The following MEIS1 variants were observed in gnomAD, a reference collection of about 807,000 sequenced individuals.
MEIS1 encodes the protein homeobox protein Meis1.
MEIS1 carries 5 observed loss-of-function variants against 50.8 expected under a neutral mutation model. The ratio of observed to expected loss-of-function variants is 0.10; its 90% confidence interval spans 0.05 to 0.21. The LOEUF (loss-of-function observed/expected upper bound fraction) is 0.21. MEIS1 is among the 10% of genes least tolerant of loss of function. The pLI is 1.00. For synonymous variants in MEIS1, 176 were observed against 179.3 expected (o/e 0.98, Z 0.15); for missense variants, 318 against 517.3 (o/e 0.61, Z 3.74).
intron 2 of MEIS1, chr2:66,439,115 C>A: frequency 3.8e-5 from 6 of 156,528 alleles, no homozygotes; most frequent in Non-Finnish European, 7.9e-5. Context: ...TGGGCTGAGA[C>A]AAGCGACATC....
In MEIS1 at chr2:66,441,592, G is replaced by A. The variant is rs946981871; in HGVS notation, c.483+128G>A. 3 of 742,890 alleles carry A rather than the reference G, an allele frequency of 4.0e-6. No homozygotes were observed. The African/African-American group carries it at 5.7e-5, about 14-fold the overall frequency. 46.0% of individuals were successfully genotyped at this position (742,890 alleles called of 1,614,324 possible). A position where few individuals can be genotyped will look rare whatever the true frequency, so the allele number is the denominator to read the frequency against. On this transcript the variant is annotated intron_variant, in intron 5 of 12. Coordinates refer to ENST00000272369, the MANE Select transcript of MEIS1 (RefSeq NM_002398.3). Reference sequence around the variant, plus strand: ...TAAATGTCTTTCTTTCTGGTAATTAGTGTCAAGGCCAATCTTAGCGTCCAT... The same window carrying A: ...TAAATGTCTTTCTTTCTGGTAATTAATGTCAAGGCCAATCTTAGCGTCCAT...
intron 8 of MEIS1, among the ~76,000 whole-genome samples, chr2:66,546,819 T>G (rs1009708042): frequency 2.0e-5 from 3 of 152,158 alleles, no homozygotes; most frequent in African/African-American, 7.2e-5. Flanking sequence ...ATAGAGCATA[T>G]TTAAACTTAC....
intron 7 of MEIS1, among the ~76,000 whole-genome samples, chr2:66,485,488 T>C (rs531468272): frequency 6.6e-6 from 1 of 152,316 alleles, no homozygotes; most frequent in East Asian, 1.9e-4. Flanking sequence ...CCACATTTTC[T>C]TTATCCTACA....
At chr2:66,448,675 A>G (rs1558522802) in intron 6 of MEIS1, among the ~76,000 whole-genome samples, 1 of 152,302 alleles carries the variant, frequency 6.6e-6, no homozygotes. Flanking sequence ...GTGAAATGCT[A>G]AAGTTTTAAT....
At chr2:66,459,152 A>G (rs1672463003) in intron 6 of MEIS1, among the ~76,000 whole-genome samples, 1 of 152,124 alleles carries the variant, frequency 6.6e-6, no homozygotes, top group Non-Finnish European at 1.5e-5. Context: ...TTTCTAGGTA[A>G]GGTGGTATCT....
At chr2:66,509,117 G>C (rs1436103337) in intron 7 of MEIS1, 8 of 467,858 alleles carry the variant, frequency 1.7e-5, no homozygotes, top group Non-Finnish European at 3.5e-5. Context: ...GAATGGAAAT[G>C]CTAAAGGTAC....
chr2:66,435,370 C>G lies in MEIS1; in HGVS notation c.-487C>G, dbSNP rs967884781. On this transcript the variant is annotated 5_prime_UTR_variant, in exon 1 of 13. Transcript: ENST00000272369. ...TTAGGACTGATTCAAGGGAAGCGAG[C>G]GCTAGGGCTTTGTGCATTTGAATAT... 1.6e-5 allele frequency: 3 copies of G among 189,236 alleles called. No homozygotes were observed. Among genetic ancestry groups the G allele is most frequent in the Non-Finnish European group, 3.2e-5 (3 of 93,128 alleles). 11.7% of individuals were successfully genotyped at this position (189,236 alleles called of 1,614,324 possible).
chr2:66,453,967 A>G (rs983131522), intron 6 of MEIS1, among the ~76,000 whole-genome samples: 2 of 152,056 alleles, frequency 1.3e-5, no homozygotes, highest in Non-Finnish European at 2.9e-5. Context: ...CCTTTCAGGA[A>G]GGTGGTGTTC....
intron 3 of MEIS1, 131 bp downstream of exon 3, chr2:66,440,115 G>T (rs753749741): frequency 1.8e-5 from 14 of 797,686 alleles, no homozygotes; most frequent in Non-Finnish European, 9.2e-6. Flanking sequence ...AAAGTAGCCA[G>T]CACGTAGTCG....
chr2:66,458,450 G>A (rs562670540), intron 6 of MEIS1, among the ~76,000 whole-genome samples: 1 of 152,264 alleles, frequency 6.6e-6, no homozygotes, highest in South Asian at 2.1e-4. Context: ...TTTCCAGAAG[G>A]TCTATACACT....
intron 6 of MEIS1, 150 bp from the exon 7 acceptor site, chr2:66,463,959 T>C: frequency 1.7e-6 from 1 of 604,760 alleles, no homozygotes; most frequent in Non-Finnish European, 3.0e-6. Flanking sequence ...CCAATGCAGC[T>C]CTGAGCTGGA....
chr2:66,448,345 C>A (rs553274140), intron 6 of MEIS1, among the ~76,000 whole-genome samples: 83 of 152,120 alleles, frequency 5.5e-4, no homozygotes, highest in African/African-American at 1.9e-3. Context: ...AAGAAAATAT[C>A]CAGTAAAATT....
At chr2:66,438,623 T>C (rs1307930020) in intron 2 of MEIS1, among the ~76,000 whole-genome samples, 2 of 152,180 alleles carry the variant, frequency 1.3e-5, no homozygotes, top group African/African-American at 2.4e-5. Flanking sequence ...AAATTCGGGG[T>C]GCTCTTCCTC....
intron 7 of MEIS1, among the ~76,000 whole-genome samples, chr2:66,488,054 A>G (rs1673183856): frequency 6.6e-6 from 1 of 152,236 alleles, no homozygotes; most frequent in Admixed American, 6.5e-5. Flanking sequence ...TTTTGCATAC[A>G]AATATGGCTG....
At chr2:66,467,176 G>C (rs1483531040) in intron 7 of MEIS1, among the ~76,000 whole-genome samples, 1 of 152,178 alleles carries the variant, frequency 6.6e-6, no homozygotes, top group Non-Finnish European at 1.5e-5. Flanking sequence ...AATACAGTAA[G>C]AGTTTCTGGT....
Position 66,541,428 on chromosome 2 carries a change from A to T in MEIS1, c.889-6515A>T, listed in dbSNP as rs186342326. 2.8e-3 allele frequency among the ~76,000 whole-genome samples: 419 copies of T among 152,306 alleles called. 2 individuals are homozygous for T. Among genetic ancestry groups the T allele is most frequent in the Middle Eastern group, 0.024 (7 of 294 alleles). ...TATAGTCTTAGTACAAAAAACAAAG[A>T]TTGTTATGAAACATTATCCAGCATT... On this transcript the variant is annotated intron_variant, in intron 8 of 12. Coordinates refer to ENST00000272369, the MANE Select transcript of MEIS1 (RefSeq NM_002398.3).
At chr2:66,524,368 C>A (rs1298404530) in intron 8 of MEIS1, among the ~76,000 whole-genome samples, 1 of 151,932 alleles carries the variant, frequency 6.6e-6, no homozygotes, top group Non-Finnish European at 1.5e-5. Context: ...TCAAGACCAG[C>A]CTGGACAATA....
intron 7 of MEIS1, among the ~76,000 whole-genome samples, chr2:66,484,347 G>C (rs1459568477): frequency 6.6e-6 from 1 of 152,084 alleles, no homozygotes; most frequent in African/African-American, 2.4e-5. Context: ...GCATAGTTAT[G>C]ATGAGAGCAC....
chr2:66,508,897 A>T (rs1673751322), intron 7 of MEIS1: 1 of 419,960 alleles, frequency 2.4e-6, no homozygotes, highest in Non-Finnish European at 4.9e-6. Context: ...GATTATTTCC[A>T]CCTTTTCAGT....
Sources: allele counts gnomAD v4.1 joint callset (sites outside exome capture counted in the v4.1 genomes callset), GRCh38; gene constraint gnomAD v4.1.1; transcripts MANE v1.5; gene names NCBI Gene and HGNC (gene_info 2026-07-23, HGNC 2026-07-21).